SFMBT1: variants seen among roughly 807,000 people sequenced by gnomAD.
SFMBT1 encodes Scm like with four mbt domains 1, also known as scm-like with four MBT domains protein 1.
A neutral mutation model predicts 108.7 loss-of-function variants in SFMBT1; 32 were observed. The observed-to-expected ratio is 0.29, with a 90% CI of 0.22 to 0.40. The LOEUF is 0.40. Ranked by LOEUF, SFMBT1 falls within the 10% of genes least tolerant of loss-of-function variation. SFMBT1 has a pLI of 1.00. For missense variants in SFMBT1, 816 were observed against 1,059.6 expected, an observed-to-expected ratio of 0.77 and a Z score of 3.19; for synonymous variants, 348 against 369.5, an observed-to-expected ratio of 0.94 and a Z score of 0.67.
chr3:52,976,373 A>G (rs1027045869), intron 1 of SFMBT1, among the ~76,000 whole-genome samples: 8 of 152,254 alleles, frequency 5.3e-5, no homozygotes, highest in African/African-American at 1.9e-4. Flanking sequence ...AGAGCATTCC[A>G]TATAAAATCG....
At chr3:52,930,240 C>G (rs111380848) in intron 8 of SFMBT1, 89 bp downstream of exon 8, 2 of 800,136 alleles carry the variant, frequency 2.5e-6, no homozygotes, top group African/African-American at 3.4e-5. Context: ...TGGGTTGGAT[C>G]AATAGAGCTT....
intron 1 of SFMBT1, among the ~76,000 whole-genome samples, chr3:52,997,660 T>G (rs1475979703): frequency 6.6e-6 from 1 of 150,690 alleles, no homozygotes; most frequent in Non-Finnish European, 1.5e-5. Flanking sequence ...GACTACATAT[T>G]GGATGATTCT....
intron 3 of SFMBT1, 82 bp downstream of exon 3, chr3:52,954,235 A>G (rs1703700593): frequency 9.2e-7 from 1 of 1,090,704 alleles, no homozygotes; most frequent in Non-Finnish European, 1.3e-6. Flanking sequence ...AAATTAAAAT[A>G]ACTTTAAATT....
At chr3:53,018,740 T>C (rs1323427107) in intron 1 of SFMBT1, among the ~76,000 whole-genome samples, 1 of 152,198 alleles carries the variant, frequency 6.6e-6, no homozygotes, top group Non-Finnish European at 1.5e-5. Flanking sequence ...CTAAATCCAA[T>C]GGTTTGCTCT....
chr3:52,943,693 T>C lies in SFMBT1; in HGVS notation c.124-100A>G, dbSNP rs532552972. The stretch of plus-strand genomic sequence containing the variant: ...AGACTTACAATTCCGAAGCACTAAA[T>C]GCAATAACATCTCAAGGAAAGCCTG... On this transcript the variant is annotated intron_variant, in intron 3 of 20. Coordinates refer to ENST00000394752, the MANE Select transcript of SFMBT1 (RefSeq NM_016329.4). 1.5e-5 allele frequency: 22 copies of C among 1,443,076 alleles called. No individual in the cohort carries two copies. The East Asian group carries it at 4.5e-4, about 30-fold the overall frequency. The allele number at this position is 1,443,076 out of a possible 1,614,324, so 89.4% of individuals were successfully genotyped here. A position where few individuals can be genotyped will look rare whatever the true frequency, so the allele number is the denominator to read the frequency against.
At chr3:52,978,506 C>T (rs570751892) in intron 1 of SFMBT1, among the ~76,000 whole-genome samples, 1 of 152,124 alleles carries the variant, frequency 6.6e-6, no homozygotes, top group Admixed American at 6.5e-5. Flanking sequence ...AACGTAAAGG[C>T]AATGTTGGTG....
intron 3 of SFMBT1, among the ~76,000 whole-genome samples, chr3:52,945,005 T>C (rs1255096286): frequency 6.6e-6 from 1 of 151,614 alleles, no homozygotes; most frequent in Admixed American, 6.6e-5. Context: ...GGTTTTGCCA[T>C]GTTGCCCAGG....
chr3:52,955,362 G>A lies in SFMBT1; in HGVS notation c.29-951C>T, dbSNP rs1023622788. On this transcript the variant is annotated intron_variant, in intron 2 of 20. Coordinates refer to ENST00000394752, the MANE Select transcript of SFMBT1 (RefSeq NM_016329.4). ...CAGGAGGCAGAGGTTGCAGTGAGCC[G>A]AGATCGTGCCAGTGCACTCCAGCCT... 9.9e-5 allele frequency among the ~76,000 whole-genome samples: 15 copies of A among 151,954 alleles called. 1 individual carries two copies. The highest frequency in any genetic ancestry group is 3.4e-4 in the African/African-American group (14 of 41,396).
At chr3:52,938,986 G>A (rs918217211) in intron 4 of SFMBT1, among the ~76,000 whole-genome samples, 1 of 152,178 alleles carries the variant, frequency 6.6e-6, no homozygotes, top group African/African-American at 2.4e-5. Flanking sequence ...AGTTTGGCTA[G>A]ATATAAAATC....
At chr3:52,917,876 G>C (rs1450504386) in intron 13 of SFMBT1, among the ~76,000 whole-genome samples, 1 of 152,156 alleles carries the variant, frequency 6.6e-6, no homozygotes, top group Non-Finnish European at 1.5e-5. Flanking sequence ...AAACGTTGGG[G>C]ACCGCTGGTT....
At chr3:52,982,318 T>G (rs1194332649) in intron 1 of SFMBT1, among the ~76,000 whole-genome samples, 1 of 152,170 alleles carries the variant, frequency 6.6e-6, no homozygotes, top group Non-Finnish European at 1.5e-5. Context: ...AGACTCCTGC[T>G]AGAGAAAATT....
At chr3:52,949,791 C>T (rs1028574128) in intron 3 of SFMBT1, among the ~76,000 whole-genome samples, 1 of 151,938 alleles carries the variant, frequency 6.6e-6, no homozygotes, top group Non-Finnish European at 1.5e-5. Flanking sequence ...GTTGGTCAGA[C>T]TGGTCTTGAA....
intron 11 of SFMBT1, among the ~76,000 whole-genome samples, chr3:52,921,456 T>C (rs1702517344): frequency 6.6e-6 from 1 of 152,216 alleles, no homozygotes; most frequent in Non-Finnish European, 1.5e-5. Flanking sequence ...TTGACTTATG[T>C]TTTCCCCTTC....
rs150082697 is a variant in SFMBT1, at chr3:52,921,897, G to C, written c.1132-66C>G. ...CAGTATTAACTCACGTGCTCAGCTA[G>C]AAAACCTTTTTCAAGTAGTACTTAA... is the stretch of plus-strand genomic sequence containing the variant. On this transcript the variant is annotated intron_variant, in intron 10 of 20. Coordinates refer to ENST00000394752, the MANE Select transcript of SFMBT1 (RefSeq NM_016329.4). 4,719 of 1,544,906 alleles carry C rather than the reference G, an allele frequency of 3.1e-3. 13 individuals carry two copies. The highest frequency in any genetic ancestry group is 5.7e-3 in the Middle Eastern group (25 of 4,382).
chr3:52,929,009 T>G (rs1467375470), intron 8 of SFMBT1, among the ~76,000 whole-genome samples: 1 of 151,876 alleles, frequency 6.6e-6, no homozygotes, highest in Non-Finnish European at 1.5e-5. Flanking sequence ...CTGGCCCAAG[T>G]ACCTTTATCA....
intron 17 of SFMBT1, among the ~76,000 whole-genome samples, chr3:52,910,048 C>G (rs144407075): frequency 6.6e-6 from 1 of 152,092 alleles, no homozygotes; most frequent in Non-Finnish European, 1.5e-5. Flanking sequence ...CTCCTGTTTC[C>G]TTCAAGGTGT....
At chr3:52,922,370 G>A (rs530566452) in intron 10 of SFMBT1, among the ~76,000 whole-genome samples, 1,182 of 96,910 alleles carry the variant, frequency 0.012, 18 homozygotes, top group African/African-American at 0.039. Flanking sequence ...TCCAGCATCC[G>A]TGTCAAAATG....
At chr3:52,923,274 A>ATATTAT (rs2106782949) in intron 10 of SFMBT1, among the ~76,000 whole-genome samples, 1 of 152,340 alleles carries the variant, frequency 6.6e-6, no homozygotes, top group East Asian at 1.9e-4. Context: ...CCTTAGAGCA[A>ATATTAT]GAATAGTATG....
At chr3:52,906,521 G>A (rs781596754) in intron 19 of SFMBT1, among the ~76,000 whole-genome samples, 51 of 152,284 alleles carry the variant, frequency 3.3e-4, no homozygotes, top group Non-Finnish European at 2.2e-4. Flanking sequence ...GAAGAGAAGG[G>A]GATGATAATT....
Sources: allele counts gnomAD v4.1 joint callset (sites outside exome capture counted in the v4.1 genomes callset), GRCh38; gene constraint gnomAD v4.1.1; transcripts MANE v1.5; gene names NCBI Gene and HGNC (gene_info 2026-07-23, HGNC 2026-07-21).